ASH1L: variants seen among roughly 807,000 people sequenced by gnomAD.
ASH1L encodes the protein ASH1 like histone lysine methyltransferase, also known as histone-lysine N-methyltransferase ASH1L.
In ASH1L, 23 loss-of-function variants were observed where a neutral mutation model predicts 269.0. The observed-to-expected ratio is 0.09, with a 90% confidence interval of 0.06 to 0.12. The LOEUF (loss-of-function observed/expected upper bound fraction) is 0.12. ASH1L is among the 10% of genes least tolerant of loss of function. The pLI is 1.00. For synonymous variants in ASH1L, 1,187 were observed against 1,253.5 expected (o/e 0.95, Z 1.12); for missense variants, 2,912 against 3,567.8 (o/e 0.82, Z 4.68).
chr1:155,434,097 C>G, intron 5 of ASH1L: 1 of 1,592,276 alleles, frequency 6.3e-7, no homozygotes, highest in Non-Finnish European at 8.5e-7. Context: ...TCTCCTTTCT[C>G]AGGGGTACCA....
chr1:155,366,360 T>G (rs980770598), intron 12 of ASH1L, among the ~76,000 whole-genome samples: 5 of 152,186 alleles, frequency 3.3e-5, no homozygotes, highest in Non-Finnish European at 7.3e-5. Context: ...AACTCATGCA[T>G]AATCCAACCC....
rs781203040 is a variant in ASH1L at position 155,347,761 on chromosome 1, T to C, written c.7698A>G (p.Ser2566=). The stretch of plus-strand genomic sequence containing the variant: ...CATGCCCATTCTCCTTTTCAGAGAC[T>C]GAGGTCTCACTGCTGTCTGCCTCAC... The part of the protein sequence containing the change: ...TASEADSSET[S]VSEKENGHEK... The change falls in exon 20 of 28, where the codon TCA becomes TCG. Residue 2566 remains serine (S), a synonymous_variant. Transcript: ENST00000392403. 1.2e-6 allele frequency: 2 copies of C among 1,614,260 alleles called. No individual in the cohort carries two copies. Among genetic ancestry groups the C allele is most frequent in the Admixed American group, 3.3e-5 (2 of 60,028 alleles).
intron 17 of ASH1L, among the ~76,000 whole-genome samples, chr1:155,351,669 T>C (rs767902272): frequency 6.6e-6 from 1 of 151,604 alleles, no homozygotes; most frequent in Non-Finnish European, 1.5e-5. Flanking sequence ...GCCAATATGG[T>C]GAAACACTGT....
intron 1 of ASH1L, among the ~76,000 whole-genome samples, chr1:155,557,121 T>C (rs1671647750): frequency 6.6e-6 from 1 of 152,152 alleles, no homozygotes; most frequent in Admixed American, 6.6e-5. Context: ...CTAAAGACTA[T>C]GAAAAGCAAA....
chr1:155,345,883 G>A, intron 21 of ASH1L: 1 of 238,680 alleles, frequency 4.2e-6, no homozygotes, highest in Non-Finnish European at 8.2e-6. Flanking sequence ...CCAGGCTGGA[G>A]TGCACTGGCA....
In ASH1L at chr1:155,481,534, T is replaced by A; in HGVS notation, c.1336A>T (p.Asn446Tyr). The change falls in exon 3 of 28, where the codon AAT becomes TAT. Residue 446 changes from asparagine to tyrosine, a missense_variant. By Grantham distance (143) the Asn-to-Tyr change is moderately radical. This residue lies in a region of ASH1L where 715 missense variants were observed against 721.0 expected (regional missense o/e 0.99). Transcript: ENST00000392403. ...LKASCSTNINNQESQELSESL... is the reference protein window; with the variant it reads ...LKASCSTNINYQESQELSESL... The stretch of plus-strand genomic sequence containing the variant: ...TCAGAAAGTTCCTGACTTTCCTGAT[T>A]ATTGATGTTTGTACTACAAGAAGCC... 1 of 1,614,176 alleles carries A rather than the reference T, an allele frequency of 6.2e-7. No homozygotes were observed. Among genetic ancestry groups the A allele is most frequent in the Non-Finnish European group, 8.5e-7 (1 of 1,180,008 alleles).
In ASH1L at chr1:155,562,166, G is replaced by A. The variant is rs1465712541; in HGVS notation, c.-113C>T. On this transcript the variant is annotated 5_prime_UTR_variant, in exon 1 of 28. Coordinates refer to ENST00000392403, the MANE Select transcript of ASH1L (RefSeq NM_018489.3). ...CGTTCTACTCACCGTGTCGGAGGCC[G>A]AGGCCGAGGCCGAGAGCGATGAGAG... 2.4e-5 allele frequency: 38 copies of A among 1,589,880 alleles called. No individual in the cohort carries two copies. Among genetic ancestry groups the A allele is most frequent in the Non-Finnish European group, 3.0e-5 (35 of 1,161,776 alleles).
intron 6 of ASH1L, among the ~76,000 whole-genome samples, chr1:155,411,649 C>CCCA (rs1659819842): frequency 8.0e-6 from 1 of 125,274 alleles, no homozygotes; most frequent in Non-Finnish European, 1.6e-5. Context: ...GCTCTTAACT[C>CCCA]CCATAGTCCC....
intron 1 of ASH1L, among the ~76,000 whole-genome samples, chr1:155,555,089 C>A (rs780852101): frequency 3.3e-5 from 5 of 149,598 alleles, no homozygotes; most frequent in Admixed American, 6.7e-5. Context: ...GTGCAGTGAG[C>A]CGAGATCGTG....
chr1:155,427,366 G>A (rs1425422099), intron 5 of ASH1L, among the ~76,000 whole-genome samples: 2 of 151,486 alleles, frequency 1.3e-5, no homozygotes, highest in Non-Finnish European at 2.9e-5. Context: ...GGAGTGCAGT[G>A]GCCAGATCCC....
At chr1:155,392,704 G>A (rs1000116244) in intron 7 of ASH1L, among the ~76,000 whole-genome samples, 9 of 152,110 alleles carry the variant, frequency 5.9e-5, no homozygotes, top group Admixed American at 3.9e-4. Context: ...GGCCAGGCTG[G>A]TCTTGAACTC....
At chr1:155,441,298 C>A (rs909656308) in intron 4 of ASH1L, among the ~76,000 whole-genome samples, 7 of 151,580 alleles carry the variant, frequency 4.6e-5, no homozygotes, top group Admixed American at 1.3e-4. Flanking sequence ...TCTATCTCCA[C>A]CCCCCACTCC....
At position 155,521,432 on chromosome 1, in the gene ASH1L, T is replaced by C; in HGVS notation, c.88A>G (p.Thr30Ala). 1 of 1,614,072 alleles carries C rather than the reference T, an allele frequency of 6.2e-7. No individual in the cohort carries two copies. The highest frequency in any genetic ancestry group is 8.5e-7 in the Non-Finnish European group (1 of 1,179,950). Residue 30 changes from threonine (T) to alanine (A), a missense_variant, in exon 2 of 28, where the codon ACA becomes GCA. Physicochemically the swap from Thr to Ala is moderately conservative, Grantham distance 58 (BLOSUM62 0). This residue lies in a region of ASH1L where 115 missense variants were observed against 101.5 expected (regional missense o/e 1.13). Transcript: ENST00000392403. The stretch of plus-strand genomic sequence containing the variant: ...TCTACTTCTCTCTTACTGACCAATG[T>C]GCCAGTACTGATGGCAGAAGGACTC... ...RKSPSAISTG[T>A]LVSKREVELE... is the part of the protein sequence containing the mutation.
intron 4 of ASH1L, among the ~76,000 whole-genome samples, chr1:155,449,522 GT>G (rs931941166): frequency 1.1e-3 from 153 of 134,808 alleles, no homozygotes; most frequent in African/African-American, 1.6e-3. Context: ...AAATGTGGTT[GT>G]TTTTTTTTTT....
intron 2 of ASH1L, among the ~76,000 whole-genome samples, chr1:155,506,184 C>T (rs149307463): frequency 6.6e-6 from 1 of 152,236 alleles, no homozygotes; most frequent in African/African-American, 2.4e-5. Flanking sequence ...TTTTTTATGG[C>T]TGCATAGTAT....
At position 155,438,955 on chromosome 1, in the gene ASH1L, T is replaced by A. The variant is rs1174541998; in HGVS notation, c.5200A>T (p.Ile1734Phe). 1 of 1,614,202 alleles carries A rather than the reference T, an allele frequency of 6.2e-7. No individual in the cohort carries two copies. Among genetic ancestry groups the A allele is most frequent in the African/African-American group, 1.3e-5 (1 of 75,060 alleles). Residue 1734 changes from isoleucine to phenylalanine, a missense_variant, in exon 5 of 28, where the codon ATT becomes TTT. Physicochemically the swap from Ile to Phe is conservative, Grantham distance 21. This residue lies in a region of ASH1L where 789 missense variants were observed against 897.6 expected (regional missense o/e 0.88). Transcript: ENST00000392403. ...NEDQEPMEKS[I>F]DAVIATASAP... ...GAGGCAGTTGCAATCACAGCATCAA[T>A]ACTTTTCTCCATGGGCTCTTGGTCC...
At chr1:155,352,969 T>A in intron 16 of ASH1L, 111 bp from the exon 17 acceptor site, 1 of 969,788 alleles carries the variant, frequency 1.0e-6, no homozygotes, top group Non-Finnish European at 1.5e-6. Flanking sequence ...AGTGATTAGG[T>A]AGATTAGTGG....
At position 155,521,543 on chromosome 1, in the gene ASH1L, G is replaced by C; in HGVS notation, c.-24C>G. 3 of 1,568,112 alleles carry C rather than the reference G, an allele frequency of 1.9e-6. No individual in the cohort carries two copies. Among genetic ancestry groups the C allele is most frequent in the Non-Finnish European group, 2.6e-6 (3 of 1,162,078 alleles). The stretch of plus-strand genomic sequence containing the variant: ...ATCACAAGCGTATGTTATTGCCAAG[G>C]AATCTTATGAAAATTTTACAGAACT... On this transcript the variant is annotated 5_prime_UTR_variant, in exon 2 of 28. Coordinates refer to ENST00000392403, the MANE Select transcript of ASH1L (RefSeq NM_018489.3).
At chr1:155,508,960 A>C (rs1387775954) in intron 2 of ASH1L, among the ~76,000 whole-genome samples, 3 of 152,206 alleles carry the variant, frequency 2.0e-5, no homozygotes, top group Non-Finnish European at 4.4e-5. Context: ...TGGAAAACTA[A>C]AGTCAAAGCC....
Sources: gnomAD v4.1 joint callset for allele counts (sites outside exome capture counted in the v4.1 genomes callset) on GRCh38, gnomAD v4.1.1 for gene constraint, gnomAD v4.1.1 regional missense constraint, MANE v1.5 for transcripts, NCBI Gene and HGNC (gene_info 2026-07-23, HGNC 2026-07-21) for gene names.